GAB1: variants seen among roughly 807,000 people sequenced by gnomAD.
The protein encoded by GAB1 is GRB2-associated-binding protein 1.
Under a neutral mutation model 66.5 loss-of-function variants are expected in GAB1, and 19 were observed. That is an observed-to-expected ratio of 0.29 (90% confidence interval 0.20 to 0.42). The LOEUF (loss-of-function observed/expected upper bound fraction) is 0.42. GAB1 is among the 10% of genes least tolerant of loss of function. The pLI, the probability that GAB1 is intolerant of heterozygous loss-of-function variation, is 1.00. For missense variants in GAB1, 732 were observed against 858.5 expected (o/e 0.85, Z 1.84); for synonymous variants, 294 against 301.4 (o/e 0.98, Z 0.25).
intron 1 of GAB1, among the ~76,000 whole-genome samples, chr4:143,370,938 T>C (rs1420509911): frequency 2.6e-5 from 4 of 152,212 alleles, no homozygotes; most frequent in East Asian, 1.9e-4. Flanking sequence ...TTTCTTAATC[T>C]AGTCTATCAT....
rs1735274216 is a variant in GAB1, at chr4:143,457,819, G to A, written c.1586-1566G>A. 4.0e-6 allele frequency: 4 copies of A among 993,748 alleles called. No homozygotes were observed. The South Asian group carries it at 4.8e-5, about 12-fold the overall frequency. The allele number at this position is 993,748 out of a possible 1,614,324, so 61.6% of individuals were successfully genotyped here. A position where few individuals can be genotyped will look rare whatever the true frequency, so the allele number is the denominator to read the frequency against. On this transcript the variant is annotated intron_variant, in intron 6 of 9. Transcript: ENST00000262994. ...GTATGGGGCATTGGGAATTTATTTTGTAATGTTTTTTGTTTTTTTTCTAAA... is the reference window on the plus strand; with the variant it reads ...GTATGGGGCATTGGGAATTTATTTTATAATGTTTTTTGTTTTTTTTCTAAA...
At chr4:143,413,349 A>C (rs2149714802) in intron 1 of GAB1, among the ~76,000 whole-genome samples, 1 of 152,344 alleles carries the variant, frequency 6.6e-6, no homozygotes, top group African/African-American at 2.4e-5. Context: ...TTTATAGTCC[A>C]GAAAACAGTG....
intron 1 of GAB1, among the ~76,000 whole-genome samples, chr4:143,376,069 C>G (rs1385229063): frequency 6.6e-6 from 1 of 152,092 alleles, no homozygotes; most frequent in East Asian, 1.9e-4. Context: ...AATGTTGTAT[C>G]CTGGAGAACT....
At chr4:143,421,045 T>A (rs59649455) in intron 2 of GAB1, among the ~76,000 whole-genome samples, 18,903 of 151,970 alleles carry the variant, frequency 0.12, 2,814 homozygotes, top group African/African-American at 0.36. Context: ...TTAAGAATGG[T>A]ACTCTTCCCC....
At chr4:143,356,665 T>C (rs1218822838) in intron 1 of GAB1, among the ~76,000 whole-genome samples, 2 of 152,146 alleles carry the variant, frequency 1.3e-5, no homozygotes, top group Non-Finnish European at 2.9e-5. Context: ...CCTGCACAGG[T>C]TCAGTTCACA....
At chr4:143,440,892 G>A (rs564452694) in intron 6 of GAB1, among the ~76,000 whole-genome samples, 7 of 152,310 alleles carry the variant, frequency 4.6e-5, no homozygotes, top group African/African-American at 1.4e-4. Context: ...CTGCAAGCTA[G>A]ATAATGGCCT....
intron 6 of GAB1, among the ~76,000 whole-genome samples, chr4:143,441,121 T>C (rs1271626847): frequency 6.6e-6 from 1 of 152,162 alleles, no homozygotes; most frequent in African/African-American, 2.4e-5. Flanking sequence ...ATAAGTAACA[T>C]TAAGTTCTAA....
At chr4:143,366,660 C>G (rs961025681) in intron 1 of GAB1, among the ~76,000 whole-genome samples, 9 of 152,130 alleles carry the variant, frequency 5.9e-5, no homozygotes, top group African/African-American at 2.2e-4. Context: ...CACACTCCTT[C>G]CTTGTTATTG....
At chr4:143,461,826 C>A (rs1324359309) in intron 8 of GAB1, among the ~76,000 whole-genome samples, 1 of 152,188 alleles carries the variant, frequency 6.6e-6, no homozygotes, top group Admixed American at 6.5e-5. Flanking sequence ...AAGCCCAATT[C>A]TGTCAATGAA....
intron 7 of GAB1, among the ~76,000 whole-genome samples, chr4:143,460,024 C>CGTGTGT (rs28925943): frequency 1.3e-5 from 2 of 150,888 alleles, no homozygotes; most frequent in Admixed American, 6.6e-5. Flanking sequence ...GTTCATGTTT[C>CGTGTGT]GTGTGTGTGT....
intron 1 of GAB1, among the ~76,000 whole-genome samples, chr4:143,369,523 C>G (rs191769871): frequency 3.3e-5 from 5 of 152,262 alleles, no homozygotes; most frequent in Admixed American, 2.6e-4. Context: ...TCTAGTAATT[C>G]CCACAGAAGG....
chr4:143,462,572 T>A (rs1735552332), intron 8 of GAB1, among the ~76,000 whole-genome samples: 1 of 152,160 alleles, frequency 6.6e-6, no homozygotes, highest in African/African-American at 2.4e-5. Context: ...AATACAATTT[T>A]TTTTTTTTAC....
At chr4:143,436,601 C>T (rs193109639) in intron 3 of GAB1, among the ~76,000 whole-genome samples, 4 of 152,064 alleles carry the variant, frequency 2.6e-5, no homozygotes, top group African/African-American at 9.6e-5. Flanking sequence ...AATAAGTACG[C>T]GGCTAAGAAG....
At chr4:143,401,164 GT>G (rs1560743611) in intron 1 of GAB1, among the ~76,000 whole-genome samples, 3 of 152,092 alleles carry the variant, frequency 2.0e-5, no homozygotes. Flanking sequence ...GTCTAGTAAA[GT>G]TTTAAAGTAT....
chr4:143,389,906 T>C (rs1731102435), intron 1 of GAB1, among the ~76,000 whole-genome samples: 1 of 152,214 alleles, frequency 6.6e-6, no homozygotes, highest in East Asian at 1.9e-4. Flanking sequence ...GCCAGCCCCC[T>C]TCAATACATG....
At position 143,337,148 on chromosome 4, in the gene GAB1, G is replaced by C; in HGVS notation, c.-41G>C. 2 of 1,539,966 alleles carry C rather than the reference G, an allele frequency of 1.3e-6. No individual in the cohort carries two copies. Among genetic ancestry groups the C allele is most frequent in the Non-Finnish European group, 1.8e-6 (2 of 1,137,842 alleles). Reference sequence around the variant, plus strand: ...CGGCTGTGTCGGGAGCGCGCCCGCCGCCCCTCAGCTGCCCGGCCCGGAGCC... The same window carrying C: ...CGGCTGTGTCGGGAGCGCGCCCGCCCCCCCTCAGCTGCCCGGCCCGGAGCC... On this transcript the variant is annotated 5_prime_UTR_variant, in exon 1 of 10. Transcript: ENST00000262994.
intron 1 of GAB1, among the ~76,000 whole-genome samples, chr4:143,398,150 G>T (rs1731549528): frequency 6.6e-6 from 1 of 152,182 alleles, no homozygotes; most frequent in South Asian, 2.1e-4. Flanking sequence ...GCTGGTGAGG[G>T]TGTTATAAGC....
chr4:143,337,187 C>T lies in GAB1; in HGVS notation c.-2C>T, dbSNP rs1728681273. ...CGGCCCGGAGCCCGAGACGCGCGCACCATGAGCGGTGGTGAAGTGGTCTGC... is the reference window on the plus strand; with the variant it reads ...CGGCCCGGAGCCCGAGACGCGCGCATCATGAGCGGTGGTGAAGTGGTCTGC... On this transcript the variant is annotated 5_prime_UTR_variant, in exon 1 of 10. Coordinates refer to ENST00000262994, the MANE Select transcript of GAB1 (RefSeq NM_002039.4). 2 of 1,576,612 alleles carry T rather than the reference C, an allele frequency of 1.3e-6. No homozygotes were observed. The highest frequency in any genetic ancestry group is 1.7e-6 in the Non-Finnish European group (2 of 1,160,838).
intron 2 of GAB1, chr4:143,424,923 C>G (rs1733246912): frequency 1.8e-6 from 1 of 548,578 alleles, no homozygotes; most frequent in Non-Finnish European, 3.3e-6. Flanking sequence ...TCACTGCACT[C>G]CAGCCTGGTG....
Sources: allele counts gnomAD v4.1 joint callset (sites outside exome capture counted in the v4.1 genomes callset), GRCh38; gene constraint gnomAD v4.1.1; transcripts MANE v1.5; gene names NCBI Gene and HGNC (gene_info 2026-07-23, HGNC 2026-07-21).